Variants in AUTS2 observed in about 807,000 individuals in gnomAD.
AUTS2 encodes the protein activator of transcription and developmental regulator AUTS2.
Under a neutral mutation model 112.4 loss-of-function variants are expected in AUTS2, and 17 were observed. The ratio of observed to expected loss-of-function variants is 0.15; its 90% CI spans 0.10 to 0.23. The LOEUF is 0.23. AUTS2 is among the 10% of genes least tolerant of loss of function. The pLI is 1.00. For missense variants in AUTS2, 1,510 were observed against 1,701.6 expected (o/e 0.89, Z 1.98); for synonymous variants, 751 against 702.7 (o/e 1.07, Z -1.09).
At chr7:70,329,927 G>T (rs1159218151) in intron 4 of AUTS2, among the ~76,000 whole-genome samples, 5 of 152,204 alleles carry the variant, frequency 3.3e-5, no homozygotes, top group Admixed American at 1.3e-4. Context: ...TCTGTTTCAA[G>T]ATTACACCTT....
intron 5 of AUTS2, among the ~76,000 whole-genome samples, chr7:70,554,393 CTTTTT>C (rs34757734): frequency 1.9e-4 from 22 of 116,052 alleles, no homozygotes; most frequent in African/African-American, 6.5e-4. Context: ...TCTTTTCTTT[CTTTTT>C]TTTTTTTTTT....
intron 2 of AUTS2, among the ~76,000 whole-genome samples, chr7:69,917,500 T>A (rs2129542460): frequency 6.8e-6 from 1 of 146,644 alleles, no homozygotes; most frequent in East Asian, 1.9e-4. Flanking sequence ...TTGAAAGGGA[T>A]CCCCTATAGC....
intron 4 of AUTS2, among the ~76,000 whole-genome samples, chr7:70,145,026 A>G (rs767452761): frequency 3.9e-5 from 6 of 152,102 alleles, no homozygotes; most frequent in Non-Finnish European, 7.4e-5. Context: ...TTAGTTCCAC[A>G]CTGGTGAAGA....
chr7:70,325,647 C>A (rs1790453351), intron 4 of AUTS2, among the ~76,000 whole-genome samples: 1 of 152,200 alleles, frequency 6.6e-6, no homozygotes, highest in Admixed American at 6.5e-5. Flanking sequence ...GTCACTCCAA[C>A]CCCACCCCCG....
intron 6 of AUTS2, among the ~76,000 whole-genome samples, chr7:70,756,669 C>T (rs1789231583): frequency 6.6e-6 from 1 of 151,786 alleles, no homozygotes; most frequent in Non-Finnish European, 1.5e-5. Flanking sequence ...CTAAATACTT[C>T]TACTACAAAT....
intron 5 of AUTS2, among the ~76,000 whole-genome samples, chr7:70,686,745 C>T (rs1238966171): frequency 2.0e-5 from 3 of 152,074 alleles, no homozygotes; most frequent in Non-Finnish European, 4.4e-5. Context: ...GTTGGCCAGG[C>T]TGGTCTCAAA....
chr7:70,585,400 C>G (rs1234898563), intron 5 of AUTS2, among the ~76,000 whole-genome samples: 1 of 152,166 alleles, frequency 6.6e-6, no homozygotes, highest in African/African-American at 2.4e-5. Flanking sequence ...GCTACACTCC[C>G]GCTTCTCTTC....
In AUTS2 at chr7:69,666,516, A is replaced by G. The variant is rs1312579085; in HGVS notation, c.309+66554A>G. Among the ~76,000 whole-genome samples, 3 of 152,188 alleles carry G rather than the reference A, an allele frequency of 2.0e-5. No homozygotes were observed. In the East Asian group the frequency reaches 5.8e-4, roughly 29 times the overall value. On this transcript the variant is annotated intron_variant, in intron 1 of 18. Coordinates refer to ENST00000342771, the MANE Select transcript of AUTS2 (RefSeq NM_015570.4). Reference sequence around the variant, plus strand: ...ACAAACAGAAAACCTACTTACTTCTAAGCCGTGATATGTCTGTATTGGAAA... The same window carrying G: ...ACAAACAGAAAACCTACTTACTTCTGAGCCGTGATATGTCTGTATTGGAAA...
chr7:70,009,608 C>T (rs997747158), intron 2 of AUTS2, among the ~76,000 whole-genome samples: 10 of 152,158 alleles, frequency 6.6e-5, no homozygotes, highest in African/African-American at 2.2e-4. Flanking sequence ...AGTGCAGCTA[C>T]CAATGACAAA....
At chr7:69,799,133 C>G (rs138641841) in intron 1 of AUTS2, among the ~76,000 whole-genome samples, 79 of 151,910 alleles carry the variant, frequency 5.2e-4, no homozygotes, top group African/African-American at 1.8e-3. Flanking sequence ...CCAGGGTGAA[C>G]TTGTTTTGAG....
At chr7:70,126,947 C>T (rs1806005958) in intron 3 of AUTS2, among the ~76,000 whole-genome samples, 1 of 152,062 alleles carries the variant, frequency 6.6e-6, no homozygotes, top group African/African-American at 2.4e-5. Context: ...CTGCCTCAGC[C>T]TCCCAAGTAG....
chr7:70,066,642 G>A (rs970009983), intron 2 of AUTS2, among the ~76,000 whole-genome samples: 1 of 150,920 alleles, frequency 6.6e-6, no homozygotes, highest in Non-Finnish European at 1.5e-5. Flanking sequence ...GGGTTCAAGC[G>A]ATTCTTCTGC....
chr7:70,123,702 A>C (rs1234054935), intron 3 of AUTS2, among the ~76,000 whole-genome samples: 1 of 152,164 alleles, frequency 6.6e-6, no homozygotes, highest in Non-Finnish European at 1.5e-5. Context: ...ATGGCAATGT[A>C]GTATTTCGTG....
chr7:69,907,377 AT>A (rs1447140986), intron 2 of AUTS2, among the ~76,000 whole-genome samples: 6 of 152,060 alleles, frequency 3.9e-5, no homozygotes, highest in Non-Finnish European at 7.4e-5. Context: ...TTTGGGATAC[AT>A]TTTTCCTTCC....
At chr7:70,527,539 C>T (rs375539643) in intron 5 of AUTS2, among the ~76,000 whole-genome samples, 20 of 151,912 alleles carry the variant, frequency 1.3e-4, no homozygotes, top group African/African-American at 4.4e-4. Context: ...GAAAAGGAGC[C>T]GTACTTCACC....
intron 5 of AUTS2, among the ~76,000 whole-genome samples, chr7:70,615,808 C>T (rs1027849884): frequency 6.6e-6 from 1 of 151,932 alleles, no homozygotes; most frequent in African/African-American, 2.4e-5. Flanking sequence ...TGCTATGGTG[C>T]GATCTTGGCT....
chr7:70,022,900 G>T (rs948789608), intron 2 of AUTS2, among the ~76,000 whole-genome samples: 1 of 151,908 alleles, frequency 6.6e-6, no homozygotes, highest in Non-Finnish European at 1.5e-5. Context: ...CGCCCAGGCC[G>T]GAGTGCAGTG....
At chr7:69,948,203 C>G (rs1277230919) in intron 2 of AUTS2, among the ~76,000 whole-genome samples, 1 of 152,162 alleles carries the variant, frequency 6.6e-6, no homozygotes, top group Non-Finnish European at 1.5e-5. Flanking sequence ...AGTGGATAAG[C>G]AAGTGGAGTG....
At chr7:69,768,454 C>G (rs542014975) in intron 1 of AUTS2, among the ~76,000 whole-genome samples, 1 of 152,082 alleles carries the variant, frequency 6.6e-6, no homozygotes, top group Admixed American at 6.6e-5. Context: ...TGGAGTGTAG[C>G]CTGTGAGTGT....
Sources: allele counts gnomAD v4.1 joint callset (sites outside exome capture counted in the v4.1 genomes callset), GRCh38; gene constraint gnomAD v4.1.1; transcripts MANE v1.5; gene names NCBI Gene and HGNC (gene_info 2026-07-23, HGNC 2026-07-21).